CST9: variants seen among roughly 807,000 people sequenced by gnomAD.
The protein encoded by CST9 is cystatin 9, also known as cystatin-9.
In CST9, 11 loss-of-function variants were observed where a neutral mutation model predicts 7.7. The observed-to-expected ratio is 1.44, with a 90% CI of 0.90 to 2.38. CST9 has a LOEUF of 2.38. Ranked by LOEUF, CST9 falls within the 30% of genes most tolerant of loss-of-function variation. The pLI is 0.00. For missense variants in CST9, 214 were observed against 199.1 expected (o/e 1.07, Z -0.45); for synonymous variants, 71 against 74.3 (o/e 0.96, Z 0.23).
rs1822591057 is a variant in CST9, at chr20:23,602,673, C to T, written c.*837G>A. On this transcript the variant is annotated 3_prime_UTR_variant, in exon 2 of 2. Transcript: ENST00000376971. Reference sequence around the variant, plus strand: ...TCTTGTTCAGGAGTTCAAAATATGTCTTCCAGGGCATGGTTTCAACAGTGA... The same window carrying T: ...TCTTGTTCAGGAGTTCAAAATATGTTTTCCAGGGCATGGTTTCAACAGTGA... The T allele has an allele frequency of 1.0e-6, 1 of 985,372 alleles. No individual in the cohort carries two copies. The highest frequency in any genetic ancestry group is 1.2e-6 in the Non-Finnish European group (1 of 829,918). The allele number at this position is 985,372 out of a possible 1,614,324, so 61.0% of individuals were successfully genotyped here.
chr20:23,603,759 T>C (rs776347779), intron 1 of CST9, 25 bp from the exon 2 acceptor site: 2 of 1,611,096 alleles, frequency 1.2e-6, no homozygotes, highest in Admixed American at 3.3e-5. Context: ...AAGATTAAAG[T>C]GGATGCACCG....
intron 1 of CST9, among the ~76,000 whole-genome samples, chr20:23,604,766 G>T (rs1320735972): frequency 1.3e-5 from 2 of 152,224 alleles, no homozygotes; most frequent in Non-Finnish European, 2.9e-5. Context: ...AGGAGGCAGA[G>T]AACCAGCCAG....
At chr20:23,604,533 A>C (rs1285868749) in intron 1 of CST9, among the ~76,000 whole-genome samples, 1 of 152,216 alleles carries the variant, frequency 6.6e-6, no homozygotes, top group Non-Finnish European at 1.5e-5. Context: ...AGAATCAAGC[A>C]AAGCACTGGG....
Position 23,605,714 on chromosome 20 carries a change from C to A in CST9, c.151G>T (p.Val51Leu), listed in dbSNP as rs1469997271. The A allele has an allele frequency of 6.2e-7, 1 of 1,614,114 alleles. No individual in the cohort carries two copies. Among genetic ancestry groups the A allele is most frequent in the Non-Finnish European group, 8.5e-7 (1 of 1,180,050 alleles). Residue 51 changes from valine to leucine, a missense_variant, in exon 1 of 2, where the codon GTG becomes TTG. Transcript: ENST00000376971. Reference sequence around the variant, plus strand: ...TTGAAAGTGTTCAAGGCAAACTCCACTGTGGCGAGGAACATAGGATCCTGG... The same window carrying A: ...TTGAAAGTGTTCAAGGCAAACTCCAATGTGGCGAGGAACATAGGATCCTGG... Reference protein sequence around the residue: ...IVQDPMFLATVEFALNTFNVQ... With the variant: ...IVQDPMFLATLEFALNTFNVQ...
chr20:23,603,178 C>T lies in CST9; in HGVS notation c.*332G>A. ...GAGCAGGTGCTGCAGCTCAGCAGGG[C>T]CTAGGAGCGAGGGCAGTGGGGCTTC... On this transcript the variant is annotated 3_prime_UTR_variant, in exon 2 of 2. Coordinates refer to ENST00000376971, the MANE Select transcript of CST9 (RefSeq NM_001008693.3). 2.5e-6 allele frequency: 3 copies of T among 1,177,072 alleles called. No homozygotes were observed. The highest frequency in any genetic ancestry group is 1.6e-5 in the African/African-American group (1 of 63,548). 72.9% of individuals were successfully genotyped at this position (1,177,072 alleles called of 1,614,324 possible). A position where few individuals can be genotyped will look rare whatever the true frequency, so the allele number is the denominator to read the frequency against.
chr20:23,605,554 C>A, intron 1 of CST9, 56 bp downstream of exon 1: 2 of 1,578,660 alleles, frequency 1.3e-6, no homozygotes, highest in Non-Finnish European at 1.7e-6. Flanking sequence ...ACATCTTGGT[C>A]CCTCACTTAG....
Position 23,603,745 on chromosome 20 carries a change from AAAG to A in CST9, c.256-14_256-12del, listed in dbSNP as rs771481128. On this transcript the variant is annotated splice_polypyrimidine_tract_variant and intron_variant, in intron 1 of 1. Transcript: ENST00000376971. Reference sequence around the variant, plus strand: ...CATCTTACCTCGCCACTGTTGGACAAAAGAAGATTAAAGTGGATGCACCGTCTT... The same window carrying A: ...CATCTTACCTCGCCACTGTTGGACAAAAGATTAAAGTGGATGCACCGTCTT... The A allele has an allele frequency of 2.5e-6, 4 of 1,613,758 alleles. No homozygotes were observed. The highest frequency in any genetic ancestry group is 2.2e-5 in the South Asian group (2 of 91,072).
In CST9 at chr20:23,602,909, C is replaced by T. The variant is rs1978653812; in HGVS notation, c.*601G>A. On this transcript the variant is annotated 3_prime_UTR_variant, in exon 2 of 2. Transcript: ENST00000376971. ...TGAACTACAACGTGATTTGAGGCTCCCTCCCTCCTTAGCCAGGGTCACTTG... is the reference window on the plus strand; with the variant it reads ...TGAACTACAACGTGATTTGAGGCTCTCTCCCTCCTTAGCCAGGGTCACTTG... The T allele has an allele frequency of 1.0e-6, 1 of 988,278 alleles. No individual in the cohort carries two copies. The highest frequency in any genetic ancestry group is 1.2e-6 in the Non-Finnish European group (1 of 832,068). 61.2% of individuals were successfully genotyped at this position (988,278 alleles called of 1,614,324 possible).
chr20:23,605,666 C>A lies in CST9; in HGVS notation c.199G>T (p.Ala67Ser). The change falls in exon 1 of 2, where the codon GCC becomes TCC. Residue 67 changes from alanine (A) to serine (S), a missense_variant. Transcript: ENST00000376971. The part of the protein sequence containing the change: ...TFNVQSKEEH[A>S]YRLLRVLSSW... ...CTCAGGACGCGCAACAGCCTGTAGG[C>A]ATGCTCCTCCTTGCTCTGCACGTTG... 8 of 1,614,228 alleles carry A rather than the reference C, an allele frequency of 5.0e-6. No individual in the cohort carries two copies. Among genetic ancestry groups the A allele is most frequent in the Non-Finnish European group, 6.8e-6 (8 of 1,180,036 alleles).
rs1053187545 is a variant in CST9 at position 23,603,300 on chromosome 20, C to T, written c.*210G>A. 166 of 1,423,566 alleles carry T rather than the reference C, an allele frequency of 1.2e-4. No homozygotes were observed. Among genetic ancestry groups the T allele is most frequent in the Middle Eastern group, 5.2e-4 (2 of 3,824 alleles). 88.2% of individuals were successfully genotyped at this position (1,423,566 alleles called of 1,614,324 possible). On this transcript the variant is annotated 3_prime_UTR_variant, in exon 2 of 2. Transcript: ENST00000376971. Reference sequence around the variant, plus strand: ...TCACCATTGTCTCCAGGCTCTTTCTCTAGAAGGCAGGGAAGAAGTGGGGAG... The same window carrying T: ...TCACCATTGTCTCCAGGCTCTTTCTTTAGAAGGCAGGGAAGAAGTGGGGAG...
At chr20:23,603,948 TG>T (rs72536508) in intron 1 of CST9, among the ~76,000 whole-genome samples, 12,173 of 152,142 alleles carry the variant, frequency 0.08, 683 homozygotes, top group East Asian at 0.23. Context: ...ATGGTGGGTC[TG>T]GGGAGGATGC....
Position 23,605,602 on chromosome 20 carries a change from T to C in CST9, c.255+8A>G. On this transcript the variant is annotated splice_region_variant and intron_variant, in intron 1 of 1. Transcript: ENST00000376971. ...AAGGACAGGCCAGAAGAGGATGTGG[T>C]CACCAACCTTTCTGTCCATGCTATC... The C allele has an allele frequency of 6.2e-7, 1 of 1,613,186 alleles. No homozygotes were observed. The highest frequency in any genetic ancestry group is 8.5e-7 in the Non-Finnish European group (1 of 1,179,424).
Position 23,603,055 on chromosome 20 carries a change from A to G in CST9, c.*455T>C. 1 of 1,011,944 alleles carries G rather than the reference A, an allele frequency of 9.9e-7. No homozygotes were observed. Among genetic ancestry groups the G allele is most frequent in the Non-Finnish European group, 1.2e-6 (1 of 846,670 alleles). 62.7% of individuals were successfully genotyped at this position (1,011,944 alleles called of 1,614,324 possible). ...CCCAGTGGAAGCAGTTCCCAGACTT[A>G]GGCAATTAGTTACCTATTTGTTAAT... On this transcript the variant is annotated 3_prime_UTR_variant, in exon 2 of 2. Transcript: ENST00000376971.
At position 23,603,065 on chromosome 20, in the gene CST9, T is replaced by C; in HGVS notation, c.*445A>G. Reference sequence around the variant, plus strand: ...GCAGTTCCCAGACTTAGGCAATTAGTTACCTATTTGTTAATCTTACAATAA... The same window carrying C: ...GCAGTTCCCAGACTTAGGCAATTAGCTACCTATTTGTTAATCTTACAATAA... On this transcript the variant is annotated 3_prime_UTR_variant, in exon 2 of 2. Transcript: ENST00000376971. 9.8e-7 allele frequency: 1 copy of C among 1,015,750 alleles called. No homozygotes were observed. The highest frequency in any genetic ancestry group is 1.2e-6 in the Non-Finnish European group (1 of 849,116). 62.9% of individuals were successfully genotyped at this position (1,015,750 alleles called of 1,614,324 possible). A position where few individuals can be genotyped will look rare whatever the true frequency, so the allele number is the denominator to read the frequency against.
chr20:23,603,144 C>A lies in CST9; in HGVS notation c.*366G>T. 9.5e-7 allele frequency: 1 copy of A among 1,054,862 alleles called. No homozygotes were observed. The highest frequency in any genetic ancestry group is 1.1e-6 in the Non-Finnish European group (1 of 875,142). 65.3% of individuals were successfully genotyped at this position (1,054,862 alleles called of 1,614,324 possible). On this transcript the variant is annotated 3_prime_UTR_variant, in exon 2 of 2. Transcript: ENST00000376971. ...CCAGAGCCAGGCTTTGCTTGGAGCT[C>A]GTCCCCTAGAGCAGGTGCTGCAGCT...
chr20:23,602,750 G>A lies in CST9; in HGVS notation c.*760C>T, dbSNP rs560823483. ...AAACAGGAAGAGACAGTAGGGCGGG[G>A]TTTGGGGAGGTTCGGGAATCTTGTG... is the stretch of plus-strand genomic sequence containing the variant. On this transcript the variant is annotated 3_prime_UTR_variant, in exon 2 of 2. Transcript: ENST00000376971. 2 of 985,610 alleles carry A rather than the reference G, an allele frequency of 2.0e-6. No individual in the cohort carries two copies. The highest frequency in any genetic ancestry group is 1.7e-5 in the African/African-American group (1 of 57,382). The allele number at this position is 985,610 out of a possible 1,614,324, so 61.1% of individuals were successfully genotyped here.
At position 23,605,558 on chromosome 20, in the gene CST9, C is replaced by T. The variant is rs1978739134; in HGVS notation, c.255+52G>A. On this transcript the variant is annotated intron_variant, in intron 1 of 1. Coordinates refer to ENST00000376971, the MANE Select transcript of CST9 (RefSeq NM_001008693.3). ...TCCTAGACTAGACATCTTGGTCCCT[C>T]ACTTAGGGGCAGATGGAGAAGGACA... The T allele has an allele frequency of 6.3e-6, 10 of 1,582,766 alleles. No individual in the cohort carries two copies. The East Asian group carries it at 1.8e-4, about 28-fold the overall frequency.
chr20:23,603,769 G>A (rs762046936), intron 1 of CST9, 35 bp from the exon 2 acceptor site: 52 of 1,601,024 alleles, frequency 3.2e-5, no homozygotes, highest in South Asian at 1.3e-4. Context: ...TGGATGCACC[G>A]TCTTCCTGCC....
chr20:23,605,541 T>TAGAC lies in CST9; in HGVS notation c.255+65_255+68dup, dbSNP rs1600347871. The stretch of plus-strand genomic sequence containing the variant: ...TGATGGTGAACCAAGTCTCCTAGAC[T>TAGAC]AGACATCTTGGTCCCTCACTTAGGG... On this transcript the variant is annotated intron_variant, in intron 1 of 1. Coordinates refer to ENST00000376971, the MANE Select transcript of CST9 (RefSeq NM_001008693.3). The TAGAC allele has an allele frequency of 3.2e-6, 5 of 1,550,474 alleles. No homozygotes were observed. In the East Asian group the frequency reaches 1.1e-4, roughly 35 times the overall value.
Sources: allele counts gnomAD v4.1 joint callset (sites outside exome capture counted in the v4.1 genomes callset), GRCh38; gene constraint gnomAD v4.1.1; transcripts MANE v1.5; gene names NCBI Gene and HGNC (gene_info 2026-07-23, HGNC 2026-07-21).